The following C19orf12 variants were observed in gnomAD, a reference collection of about 807,000 sequenced individuals.
The protein encoded by C19orf12 is protein C19orf12.
In C19orf12, 2 loss-of-function variants were observed where a neutral mutation model predicts 3.8. The ratio of observed to expected loss-of-function variants is 0.53; its 90% CI spans 0.22 to 1.66. C19orf12 has a LOEUF of 1.66. Among genes scored for constraint, C19orf12 ranks in the 40% most tolerant of loss-of-function variants. The probability of loss-of-function intolerance (pLI) is 0.20; values close to 1 mark genes in which losing one functional copy is unlikely to be tolerated. For missense variants in C19orf12, 156 were observed against 188.8 expected, an observed-to-expected ratio of 0.83 and a Z score of 1.02; for synonymous variants, 89 against 84.6, an observed-to-expected ratio of 1.05 and a Z score of -0.28.
intron 1 of C19orf12, among the ~76,000 whole-genome samples, chr19:29,709,697 ATTTTAT>A (rs1972574254): frequency 6.6e-6 from 1 of 150,912 alleles, no homozygotes; most frequent in South Asian, 2.1e-4. Flanking sequence ...CGCCCAGCTA[ATTTTAT>A]TTTTATTTTT....
chr19:29,709,589 G>A (rs1972564354), intron 1 of C19orf12, among the ~76,000 whole-genome samples: 1 of 150,462 alleles, frequency 6.6e-6, no homozygotes, highest in African/African-American at 2.5e-5. Flanking sequence ...GAGTGCAGTG[G>A]CATGATCACA....
Position 29,702,464 on chromosome 19 carries a change from T to TG in C19orf12, c.*247dup, listed in dbSNP as rs1972141571. ...CGGCAGGCAGGCCTTTACTCTTCACTGGGGGGCCAGTCAGAGGGCTGTCAT... is the reference window on the plus strand; with the variant it reads ...CGGCAGGCAGGCCTTTACTCTTCACTGGGGGGGCCAGTCAGAGGGCTGTCAT... On this transcript the variant is annotated 3_prime_UTR_variant, in exon 3 of 3. Coordinates refer to ENST00000323670, the MANE Select transcript of C19orf12 (RefSeq NM_031448.6). 7.2e-6 allele frequency: 5 copies of TG among 690,050 alleles called. No homozygotes were observed. In the East Asian group the frequency reaches 8.5e-5, roughly 12 times the overall value. 42.7% of individuals were successfully genotyped at this position (690,050 alleles called of 1,614,324 possible).
In C19orf12 at chr19:29,699,339, C is replaced by A. The variant is rs751485579; in HGVS notation, c.*3373G>T. 2.7e-6 allele frequency: 1 copy of A among 364,460 alleles called. No homozygotes were observed. The highest frequency in any genetic ancestry group is 2.2e-5 in the South Asian group (1 of 45,644). 22.6% of individuals were successfully genotyped at this position (364,460 alleles called of 1,614,324 possible). On this transcript the variant is annotated 3_prime_UTR_variant, in exon 3 of 3. Transcript: ENST00000323670. Reference sequence around the variant, plus strand: ...AAAAAATAAAAAAATAAAAATTAGCCGGGCATGGTGGCGGGCGACTGTAGT... The same window carrying A: ...AAAAAATAAAAAAATAAAAATTAGCAGGGCATGGTGGCGGGCGACTGTAGT...
chr19:29,701,428 T>A lies in C19orf12; in HGVS notation c.*1284A>T, dbSNP rs1263637901. 1 of 454,148 alleles carries A rather than the reference T, an allele frequency of 2.2e-6. No homozygotes were observed. Among genetic ancestry groups the A allele is most frequent in the Non-Finnish European group, 4.4e-6 (1 of 226,794 alleles). 28.1% of individuals were successfully genotyped at this position (454,148 alleles called of 1,614,324 possible). A position where few individuals can be genotyped will look rare whatever the true frequency, so the allele number is the denominator to read the frequency against. On this transcript the variant is annotated 3_prime_UTR_variant, in exon 3 of 3. Coordinates refer to ENST00000323670, the MANE Select transcript of C19orf12 (RefSeq NM_031448.6). ...AATACCAAATACAATATAAATGCTATGTAAATATGCTACACCATATTGTTT... is the reference window on the plus strand; with the variant it reads ...AATACCAAATACAATATAAATGCTAAGTAAATATGCTACACCATATTGTTT...
Position 29,702,904 on chromosome 19 carries a change from C to T in C19orf12, c.234G>A (p.Met78Ile), listed in dbSNP as rs778586471. 24 of 1,614,092 alleles carry T rather than the reference C, an allele frequency of 1.5e-5. No homozygotes were observed. Among genetic ancestry groups the T allele is most frequent in the Non-Finnish European group, 9.3e-6 (11 of 1,180,038 alleles). ...TCTGTTGCTCGGCAGGGGGCAGCTC[C>T]ATTAGGATCTGAGGAACCGGCTTAA... is the stretch of plus-strand genomic sequence containing the variant. The part of the protein sequence containing the change: ...GQFKPVPQIL[M>I]ELPPAEQQRL... The change falls in exon 3 of 3, where the codon ATG (methionine) becomes ATA (isoleucine). Residue 78 changes from methionine (M) to isoleucine (I), a missense_variant. By Grantham distance (10) the Met-to-Ile change is conservative. Coordinates refer to ENST00000323670, the MANE Select transcript of C19orf12 (RefSeq NM_031448.6).
chr19:29,715,107 C>A lies in C19orf12; in HGVS notation c.-11+18G>T, dbSNP rs771537351. The A allele has an allele frequency of 2.0e-4, 120 of 610,140 alleles. 1 individual carries two copies. Among genetic ancestry groups the A allele is most frequent in the Admixed American group, 8.8e-5 (3 of 34,192 alleles). 37.8% of individuals were successfully genotyped at this position (610,140 alleles called of 1,614,324 possible). On this transcript the variant is annotated intron_variant, in intron 1 of 2. Coordinates refer to ENST00000323670, the MANE Select transcript of C19orf12 (RefSeq NM_031448.6). ...CGGCCTGGGAGGCGCCCCGCCCCGG[C>A]TCCGGGCGCTCCTTTACCTGGGGGA...
rs61188314 is a variant in C19orf12, at chr19:29,712,915, C to A, written c.-11+2210G>T. ...ATGGGAGGGCCAGCAGCTATCACTG[C>A]GTGTGTGAGGGCAGGCAGAGGAAGT... On this transcript the variant is annotated intron_variant, in intron 1 of 2. Coordinates refer to ENST00000323670, the MANE Select transcript of C19orf12 (RefSeq NM_031448.6). 2.0e-3 allele frequency among the ~76,000 whole-genome samples: 302 copies of A among 152,288 alleles called. 2 individuals are homozygous for A. Among genetic ancestry groups the A allele is most frequent in the African/African-American group, 6.9e-3 (288 of 41,542 alleles).
At chr19:29,705,159 A>C in intron 2 of C19orf12, 1 of 208,862 alleles carries the variant, frequency 4.8e-6, no homozygotes, top group Non-Finnish European at 1.0e-5. Flanking sequence ...GAATTAATGC[A>C]AGACAAGGGA....
At position 29,700,367 on chromosome 19, in the gene C19orf12, T is replaced by C; in HGVS notation, c.*2345A>G. On this transcript the variant is annotated 3_prime_UTR_variant, in exon 3 of 3. Transcript: ENST00000323670. ...TGAAGCACTGAACCAAACATCTTTG[T>C]TGAGGTTTCATTCTCACGATATCTG... is the stretch of plus-strand genomic sequence containing the variant. 2.2e-6 allele frequency: 1 copy of C among 454,154 alleles called. No homozygotes were observed. Among genetic ancestry groups the C allele is most frequent in the South Asian group, 1.6e-5 (1 of 64,484 alleles). 28.1% of individuals were successfully genotyped at this position (454,154 alleles called of 1,614,324 possible). A position where few individuals can be genotyped will look rare whatever the true frequency, so the allele number is the denominator to read the frequency against.
At chr19:29,711,774 C>G (rs565848431) in intron 1 of C19orf12, among the ~76,000 whole-genome samples, 62 of 152,220 alleles carry the variant, frequency 4.1e-4, no homozygotes, top group Admixed American at 1.4e-3. Context: ...TGGCTTCCCC[C>G]CCCAAAAAAA....
upstream of C19orf12, chr19:29,715,342 T>C (rs1972908099): frequency 5.1e-6 from 2 of 389,306 alleles, no homozygotes. Flanking sequence ...GGCTCCGAGC[T>C]GCGCCCGGCC....
At chr19:29,715,001 C>T (rs767622377) in intron 1 of C19orf12, 124 bp downstream of exon 1, 8 of 711,664 alleles carry the variant, frequency 1.1e-5, no homozygotes, top group Non-Finnish European at 2.1e-5. Flanking sequence ...GCCGGGCTCC[C>T]GGCAGGGCGG....
intron 2 of C19orf12, among the ~76,000 whole-genome samples, chr19:29,704,982 A>G (rs533507538): frequency 6.6e-6 from 1 of 152,302 alleles, no homozygotes; most frequent in African/African-American, 2.4e-5. Flanking sequence ...AATATCACCA[A>G]TCAGATATTT....
intron 1 of C19orf12, 46 bp from the exon 2 acceptor site, chr19:29,708,469 T>C: frequency 6.2e-7 from 1 of 1,604,422 alleles, no homozygotes; most frequent in Non-Finnish European, 8.5e-7. Flanking sequence ...AGCATAAGAG[T>C]ATTTCCATCA....
At chr19:29,709,951 A>AG (rs957559495) in intron 1 of C19orf12, among the ~76,000 whole-genome samples, 18 of 152,174 alleles carry the variant, frequency 1.2e-4, no homozygotes, top group African/African-American at 4.1e-4. Context: ...GGCTGACTGC[A>AG]GCCTTGAACT....
Position 29,700,701 on chromosome 19 carries a change from G to C in C19orf12, c.*2011C>G, listed in dbSNP as rs1011105625. 3 of 454,138 alleles carry C rather than the reference G, an allele frequency of 6.6e-6. No individual in the cohort carries two copies. The highest frequency in any genetic ancestry group is 4.7e-5 in the South Asian group (3 of 64,480). The allele number at this position is 454,138 out of a possible 1,614,324, so 28.1% of individuals were successfully genotyped here. A position where few individuals can be genotyped will look rare whatever the true frequency, so the allele number is the denominator to read the frequency against. On this transcript the variant is annotated 3_prime_UTR_variant, in exon 3 of 3. Transcript: ENST00000323670. Reference sequence around the variant, plus strand: ...GTGCTAGGGCACCTGATTTGTGCTAGACGAGGCCAGCAGAAGAGCAATCGC... The same window carrying C: ...GTGCTAGGGCACCTGATTTGTGCTACACGAGGCCAGCAGAAGAGCAATCGC...
intron 1 of C19orf12, 179 bp from the exon 2 acceptor site, chr19:29,708,602 G>A: frequency 1.4e-6 from 1 of 729,296 alleles, no homozygotes; most frequent in Non-Finnish European, 2.4e-6. Flanking sequence ...AGACAGGACA[G>A]GCAGCAGTTA....
chr19:29,712,171 C>T (rs1048894826), intron 1 of C19orf12, among the ~76,000 whole-genome samples: 1 of 152,052 alleles, frequency 6.6e-6, no homozygotes, highest in Non-Finnish European at 1.5e-5. Context: ...TTTGGGAAGC[C>T]GAGGTGGGCA....
chr19:29,701,692 G>GT lies in C19orf12; in HGVS notation c.*1019dup, dbSNP rs753792345. On this transcript the variant is annotated 3_prime_UTR_variant, in exon 3 of 3. Coordinates refer to ENST00000323670, the MANE Select transcript of C19orf12 (RefSeq NM_031448.6). ...TTCTACTATGCTTTGTGAATACTGT[G>GT]TTTTTTTTTTAAATTGAAGGTTTGT... 1.3e-4 allele frequency: 56 copies of GT among 427,008 alleles called. No individual in the cohort carries two copies. The highest frequency in any genetic ancestry group is 2.9e-4 in the East Asian group (4 of 14,022). The allele number at this position is 427,008 out of a possible 1,614,324, so 26.5% of individuals were successfully genotyped here.
Sources: allele counts gnomAD v4.1 joint callset (sites outside exome capture counted in the v4.1 genomes callset), GRCh38; gene constraint gnomAD v4.1.1; transcripts MANE v1.5; gene names NCBI Gene and HGNC (gene_info 2026-07-23, HGNC 2026-07-21).